RGN: variants seen among roughly 807,000 people sequenced by gnomAD.
The protein encoded by RGN is epididymis secretory protein Li 41.
In RGN, 19 loss-of-function variants were observed where a neutral mutation model predicts 20.6. The observed-to-expected ratio is 0.92, with a 90% CI of 0.64 to 1.35. The LOEUF (loss-of-function observed/expected upper bound fraction) is 1.35, where lower values mean the gene tolerates loss of function less well. Ranked by LOEUF, RGN falls within the 40% of genes most tolerant of loss-of-function variation. RGN has a pLI of 0.00. For missense variants in RGN, 302 were observed against 232.7 expected, an observed-to-expected ratio of 1.30 and a Z score of -1.94; for synonymous variants, 85 against 87.2, an observed-to-expected ratio of 0.97 and a Z score of 0.14.
rs1159825064 is a variant in RGN at position 47,084,442 on chromosome X, T to C, written c.188T>C (p.Leu63Pro). Residue 63 changes from leucine (L) to proline (P), a missense_variant, in exon 4 of 8, where the codon CTT becomes CCT. Leu to Pro is a moderately conservative substitution (Grantham distance 98, BLOSUM62 -3). Transcript: ENST00000397180. ...TMDAPVSSVA[L>P]RQSGGYVATI... Reference sequence around the variant, plus strand: ...GATGCCCCAGTCAGCTCCGTGGCTCTTCGCCAGTCGGGAGGCTATGTTGCC... The same window carrying C: ...GATGCCCCAGTCAGCTCCGTGGCTCCTCGCCAGTCGGGAGGCTATGTTGCC... 8.3e-7 allele frequency: 1 copy of C among 1,203,067 alleles called. No individual in the cohort carries two copies. The highest frequency in any genetic ancestry group is 3.0e-5 in the East Asian group (1 of 33,525).
In RGN at chrX:47,081,178, G is replaced by C; in HGVS notation, c.34G>C (p.Glu12Gln). 8.3e-7 allele frequency: 1 copy of C among 1,206,936 alleles called. No individual in the cohort carries two copies. Among genetic ancestry groups the C allele is most frequent in the Non-Finnish European group, 1.1e-6 (1 of 891,135 alleles). ...SSIKIECVLP[E>Q]NCRCGESPVW... ...CATTAAGATTGAGTGTGTTTTGCCA[G>C]AGAACTGCCGGTGTGGTGAGTCTCC... Residue 12 changes from glutamate to glutamine, a missense_variant, in exon 3 of 8, where the codon GAG becomes CAG. Physicochemically the swap from Glu to Gln is conservative, Grantham distance 29 (BLOSUM62 2). Coordinates refer to ENST00000397180, the MANE Select transcript of RGN (RefSeq NM_152869.4).
intron 1 of RGN, 34 bp downstream of exon 1, chrX:47,078,743 C>T (rs782337351): frequency 9.0e-6 from 1 of 110,837 alleles, no homozygotes; most frequent in African/African-American, 3.3e-5. Context: ...CCTGAAGCCC[C>T]GTCCCCGCTC....
intron 1 of RGN, among the ~76,000 whole-genome samples, chrX:47,079,134 T>G (rs1930167956): frequency 9.2e-6 from 1 of 109,032 alleles, no homozygotes; most frequent in Admixed American, 9.9e-5. Context: ...TAATTTTTTG[T>G]ATTTTTTGTA....
At chrX:47,085,221 A>C (rs1930531325) in intron 4 of RGN, among the ~76,000 whole-genome samples, 1 of 111,706 alleles carries the variant, frequency 9.0e-6, no homozygotes, top group Admixed American at 9.5e-5. Flanking sequence ...TTACAGAGAA[A>C]AATAAGAATA....
intron 4 of RGN, among the ~76,000 whole-genome samples, chrX:47,086,055 A>G (rs1233844059): frequency 9.0e-6 from 1 of 111,720 alleles, no homozygotes; most frequent in African/African-American, 3.3e-5. Flanking sequence ...TTTCCTTTTC[A>G]TATCTCTTTG....
At chrX:47,082,397 A>G (rs1450808743) in intron 3 of RGN, among the ~76,000 whole-genome samples, 1 of 103,067 alleles carries the variant, frequency 9.7e-6, no homozygotes, top group Non-Finnish European at 2.0e-5. Context: ...TACAGCCTCA[A>G]TCTCCCAGGC....
chrX:47,088,206 C>T (rs1292579728), intron 4 of RGN, among the ~76,000 whole-genome samples: 1 of 107,025 alleles, frequency 9.3e-6, no homozygotes, highest in Non-Finnish European at 1.9e-5. Context: ...GGTGATCGCA[C>T]CCTGAATATA....
rs1556388137 is a variant in RGN, at chrX:47,092,062, G to GA, written c.700dup (p.Arg234LysfsTer10). 8.3e-7 allele frequency: 1 copy of GA among 1,204,639 alleles called. No individual in the cohort carries two copies. The highest frequency in any genetic ancestry group is 3.0e-5 in the East Asian group (1 of 33,815). ...AAAATAAAATATTTGGTGGTCTAGG[G>GA]AAAAGACTTCAAACTGTGAAGTTGC... is the stretch of plus-strand genomic sequence containing the variant. On this transcript the variant is annotated frameshift_variant and splice_region_variant, in exon 7 of 8. Coordinates refer to ENST00000397180, the MANE Select transcript of RGN (RefSeq NM_152869.4). LOFTEE classifies it high-confidence loss of function.
intron 3 of RGN, among the ~76,000 whole-genome samples, chrX:47,082,790 C>T (rs376384323): frequency 1.2e-4 from 13 of 106,887 alleles, no homozygotes; most frequent in East Asian, 1.2e-3. Context: ...CCCGCCCCCA[C>T]CACCACCCGC....
At chrX:47,089,032 C>T (rs1335057514) in intron 4 of RGN, among the ~76,000 whole-genome samples, 1 of 98,086 alleles carries the variant, frequency 1.0e-5, no homozygotes, top group Non-Finnish European at 2.0e-5. Context: ...TGCCTGTGAC[C>T]CCAGCACTTT....
At chrX:47,089,723 T>G in intron 4 of RGN, 53 bp from the exon 5 acceptor site, 1 of 955,771 alleles carries the variant, frequency 1.0e-6, no homozygotes, top group Non-Finnish European at 1.5e-6. Flanking sequence ...GATGGTGTCG[T>G]GCATGGGGTA....
chrX:47,079,703 T>A (rs1332271042), intron 1 of RGN, among the ~76,000 whole-genome samples: 5 of 111,427 alleles, frequency 4.5e-5, no homozygotes, highest in Non-Finnish European at 9.4e-5. Flanking sequence ...AGTGCTGAGA[T>A]TACAGGCATG....
At chrX:47,086,734 G>GGAGAGAGAGAGAGAGAGAGAGAGA (rs781935920) in intron 4 of RGN, among the ~76,000 whole-genome samples, 20 of 50,498 alleles carry the variant, frequency 4.0e-4, no homozygotes, top group East Asian at 7.6e-4. Flanking sequence ...AGTGATAACA[G>GGAGAGAGAGAGAGAGAGAGAGAGA]GAGAGAGAGA....
At chrX:47,091,562 T>A (rs781965094) in intron 5 of RGN, 116 bp from the exon 6 acceptor site, 38 of 787,578 alleles carry the variant, frequency 4.8e-5, no homozygotes, top group Non-Finnish European at 6.4e-5. Context: ...AGACACTGGA[T>A]AAGCTGAAGT....
intron 4 of RGN, among the ~76,000 whole-genome samples, chrX:47,086,472 A>G (rs1262337658): frequency 9.0e-6 from 1 of 111,071 alleles, no homozygotes; most frequent in Non-Finnish European, 1.9e-5. Flanking sequence ...AGAAATATTT[A>G]TTATCTCAGA....
rs1556387535 is a variant in RGN, at chrX:47,090,957, A to AAGGAAGGAAAGAAAAAGAAAGAAAGAAAG, written c.563-720_563-719insGGAAGGAAAGAAAAAGAAAGAAAGAAAGA. Among the ~76,000 whole-genome samples, 18 of 53,270 alleles carry AAGGAAGGAAAGAAAAAGAAAGAAAGAAAG rather than the reference A, an allele frequency of 3.4e-4. 2 individuals are homozygous for AAGGAAGGAAAGAAAAAGAAAGAAAGAAAG. The South Asian group carries it at 0.015, about 45-fold the overall frequency. 46.3% of individuals were successfully genotyped at this position (53,270 alleles called of 115,157 possible). The stretch of plus-strand genomic sequence containing the variant: ...GAAAGAAAGAAAGAAAGAAAGAAAG[A>AAGGAAGGAAAGAAAAAGAAAGAAAGAAAG]AAGAAAGAAAGAAAGAAAGAAAGAA... On this transcript the variant is annotated intron_variant, in intron 5 of 7. Transcript: ENST00000397180.
chrX:47,088,968 T>TAGA lies in RGN; in HGVS notation c.347-799_347-797dup, dbSNP rs1203369681. Among the ~76,000 whole-genome samples the TAGA allele has an allele frequency of 2.1e-4, 18 of 86,400 alleles. 1 individual carries two copies. In the Admixed American group the frequency reaches 2.4e-3, roughly 12 times the overall value. 75.0% of individuals were successfully genotyped at this position (86,400 alleles called of 115,157 possible). A position where few individuals can be genotyped will look rare whatever the true frequency, so the allele number is the denominator to read the frequency against. On this transcript the variant is annotated intron_variant, in intron 4 of 7. Coordinates refer to ENST00000397180, the MANE Select transcript of RGN (RefSeq NM_152869.4). ...AAAAAGAAGAAGAAGAAGAAGAAGA[T>TAGA]AGAAGAAGAAGGAGACGGAGAAGGA...
chrX:47,083,303 G>T (rs1478791040), intron 3 of RGN, among the ~76,000 whole-genome samples: 1 of 109,114 alleles, frequency 9.2e-6, no homozygotes, highest in Non-Finnish European at 1.9e-5. Flanking sequence ...GGAGGCTGAG[G>T]CAGGAGAATC....
intron 1 of RGN, among the ~76,000 whole-genome samples, chrX:47,079,428 TG>T (rs1363076821): frequency 2.7e-5 from 3 of 109,155 alleles, no homozygotes; most frequent in African/African-American, 1.0e-4. Flanking sequence ...TTTGTTTTTT[TG>T]TTTTTTTGGT....
Sources: allele counts gnomAD v4.1 joint callset (sites outside exome capture counted in the v4.1 genomes callset), GRCh38; gene constraint gnomAD v4.1.1; transcripts MANE v1.5; gene names NCBI Gene and HGNC (gene_info 2026-07-23, HGNC 2026-07-21).